NRXN3: variants seen among roughly 807,000 people sequenced by gnomAD.
NRXN3 encodes the protein neurexin 3, also known as neurexin III.
Under a neutral mutation model 137.6 loss-of-function variants are expected in NRXN3, and 32 were observed. The observed-to-expected ratio is 0.23, with a 90% CI of 0.18 to 0.31. NRXN3 has a LOEUF of 0.31. Ranked by LOEUF, NRXN3 falls within the 10% of genes least tolerant of loss-of-function variation. NRXN3 has a pLI of 1.00. For missense variants in NRXN3, 1,574 were observed against 2,062.5 expected, an observed-to-expected ratio of 0.76 and a Z score of 4.59; for synonymous variants, 798 against 784.5, an observed-to-expected ratio of 1.02 and a Z score of -0.29.
intron 15 of NRXN3, among the ~76,000 whole-genome samples, chr14:79,235,699 C>G (rs1008936724): frequency 6.6e-6 from 1 of 152,046 alleles, no homozygotes; most frequent in Non-Finnish European, 1.5e-5. Context: ...GATCAGGAGA[C>G]AAGTAAAGAC....
At chr14:79,757,636 G>T (rs1029194889) in intron 19 of NRXN3, among the ~76,000 whole-genome samples, 1 of 152,134 alleles carries the variant, frequency 6.6e-6, no homozygotes, top group Admixed American at 6.6e-5. Context: ...AATAGGTACA[G>T]CATGATGCAG....
intron 15 of NRXN3, among the ~76,000 whole-genome samples, chr14:79,263,096 C>T (rs1027982792): frequency 6.6e-6 from 1 of 152,252 alleles, no homozygotes; most frequent in Non-Finnish European, 1.5e-5. Context: ...GGCCATTCCT[C>T]AAGTGAAAGG....
rs567818951 is a variant in NRXN3 at position 78,344,599 on chromosome 14, G to A, written c.757+46739G>A. On this transcript the variant is annotated intron_variant, in intron 4 of 20. Coordinates refer to ENST00000335750, the MANE Select transcript of NRXN3 (RefSeq NM_001330195.2). ...AGGATGGGGGAGCTGCTGCTCTGAC[G>A]TGGCTGCTTTCGTTTGAGACTTCTT... Among the ~76,000 whole-genome samples, 6 of 152,280 alleles carry A rather than the reference G, an allele frequency of 3.9e-5. No homozygotes were observed. In the South Asian group the frequency reaches 6.2e-4, roughly 16 times the overall value.
intron 10 of NRXN3, among the ~76,000 whole-genome samples, chr14:78,905,221 C>T (rs772674047): frequency 2.6e-5 from 4 of 152,152 alleles, no homozygotes; most frequent in Non-Finnish European, 4.4e-5. Context: ...ATCACCCTAG[C>T]TACTCCACAC....
At chr14:79,810,207 A>G (rs770437037) in intron 20 of NRXN3, among the ~76,000 whole-genome samples, 3 of 152,200 alleles carry the variant, frequency 2.0e-5, no homozygotes, top group Non-Finnish European at 2.9e-5. Context: ...CGAAAAAAAA[A>G]AGTAATACTT....
At chr14:78,917,444 C>T (rs2099258516) in intron 10 of NRXN3, among the ~76,000 whole-genome samples, 2 of 152,054 alleles carry the variant, frequency 1.3e-5, no homozygotes, top group South Asian at 4.2e-4. Flanking sequence ...TGCACATGTA[C>T]CCTTAAACCG....
At chr14:79,700,485 A>C (rs2098750758) in intron 19 of NRXN3, among the ~76,000 whole-genome samples, 1 of 152,064 alleles carries the variant, frequency 6.6e-6, no homozygotes, top group African/African-American at 2.4e-5. Flanking sequence ...TTTTCCTAAA[A>C]TGAGACTCCT....
intron 15 of NRXN3, among the ~76,000 whole-genome samples, chr14:79,125,359 C>T (rs778701824): frequency 1.3e-5 from 2 of 152,208 alleles, no homozygotes; most frequent in Non-Finnish European, 2.9e-5. Context: ...ATAGTTCCAC[C>T]TACCTTGTTC....
intron 10 of NRXN3, among the ~76,000 whole-genome samples, chr14:78,902,893 CTG>C (rs893839460): frequency 2.6e-5 from 4 of 151,688 alleles, no homozygotes; most frequent in African/African-American, 9.7e-5. Flanking sequence ...GGATCTGTGA[CTG>C]TGCACACCAT....
In NRXN3 at chr14:79,826,208, G is replaced by C. The variant is rs555472108; in HGVS notation, c.4093+21018G>C. 7.9e-5 allele frequency among the ~76,000 whole-genome samples: 12 copies of C among 152,180 alleles called. No individual in the cohort carries two copies. The South Asian group carries it at 2.3e-3, about 29-fold the overall frequency. ...GGGTTTCGCCATAGTGGCCAGGCTG[G>C]TCTCAAACTCCTGGCCTCAGGTGAT... On this transcript the variant is annotated intron_variant, in intron 20 of 20. Transcript: ENST00000335750.
intron 15 of NRXN3, among the ~76,000 whole-genome samples, chr14:79,235,289 C>A (rs2073171110): frequency 6.6e-6 from 1 of 152,130 alleles, no homozygotes; most frequent in African/African-American, 2.4e-5. Flanking sequence ...AAGGAAAATA[C>A]TGGTTATAGG....
intron 4 of NRXN3, among the ~76,000 whole-genome samples, chr14:78,467,469 C>A (rs539143462): frequency 1.5e-4 from 23 of 152,130 alleles, no homozygotes; most frequent in African/African-American, 5.6e-4. Context: ...TCTTTGTGGA[C>A]GATGTGAATA....
intron 10 of NRXN3, among the ~76,000 whole-genome samples, chr14:78,913,246 T>TTTTCTTTCTTTCTTTCTTTCTTTCTTTC (rs1277509308): frequency 8.9e-6 from 1 of 112,978 alleles, no homozygotes; most frequent in African/African-American, 4.3e-5. Context: ...TTTTCCTTTC[T>TTTTCTTTCTTTCTTTCTTTCTTTCTTTC]TTTCTTTCTT....
intron 4 of NRXN3, among the ~76,000 whole-genome samples, chr14:78,486,252 C>T (rs557922672): frequency 6.6e-6 from 1 of 152,278 alleles, no homozygotes; most frequent in South Asian, 2.1e-4. Flanking sequence ...CTACCTTTTT[C>T]CTGCCCCTCC....
intron 15 of NRXN3, among the ~76,000 whole-genome samples, chr14:79,128,866 G>A (rs2056994067): frequency 6.6e-6 from 1 of 151,820 alleles, no homozygotes. Flanking sequence ...CCTGTTATTG[G>A]TCTATTCAGA....
chr14:79,444,063 A>G (rs1398720578), intron 15 of NRXN3, among the ~76,000 whole-genome samples: 2 of 152,186 alleles, frequency 1.3e-5, no homozygotes, highest in African/African-American at 2.4e-5. Flanking sequence ...AGGGATGAAA[A>G]TAAATCCTCT....
intron 16 of NRXN3, among the ~76,000 whole-genome samples, chr14:79,624,813 G>GTTT (rs202129385): frequency 1.5e-5 from 2 of 136,178 alleles, no homozygotes; most frequent in African/African-American, 5.9e-5. Context: ...GTTTGTTTTT[G>GTTT]TTTTTTTTTA....
At chr14:78,898,563 G>A (rs931725355) in intron 10 of NRXN3, among the ~76,000 whole-genome samples, 16 of 114,890 alleles carry the variant, frequency 1.4e-4, no homozygotes, top group African/African-American at 8.0e-4. Flanking sequence ...TCGTGTGTGT[G>A]TGTGTGTGTG....
intron 4 of NRXN3, among the ~76,000 whole-genome samples, chr14:78,486,773 G>C (rs1490824422): frequency 1.3e-5 from 2 of 152,166 alleles, no homozygotes; most frequent in Non-Finnish European, 2.9e-5. Context: ...ATTAGAGGGT[G>C]ATGTCAGAGG....
Sources: gnomAD v4.1 joint callset for allele counts (sites outside exome capture counted in the v4.1 genomes callset) on GRCh38, gnomAD v4.1.1 for gene constraint, MANE v1.5 for transcripts, NCBI Gene and HGNC (gene_info 2026-07-23, HGNC 2026-07-21) for gene names.